Variants in BIRC5 observed in about 807,000 individuals in gnomAD.
BIRC5 encodes the protein baculoviral IAP repeat containing 5, also known as baculoviral IAP repeat-containing protein 5.
BIRC5 carries 8 observed loss-of-function variants against 15.8 expected under a neutral mutation model. The observed-to-expected ratio is 0.51, with a 90% confidence interval of 0.30 to 0.91. The LOEUF (loss-of-function observed/expected upper bound fraction) is 0.91, where lower values mean the gene tolerates loss of function less well. Ranked by LOEUF, BIRC5 falls within the 40% of genes least tolerant of loss-of-function variation. BIRC5 has a pLI of 0.07. For synonymous variants in BIRC5, 56 were observed against 64.5 expected (o/e 0.87, Z 0.63); for missense variants, 163 against 178.6 (o/e 0.91, Z 0.50).
Position 78,214,289 on chromosome 17 carries a change from A to G in BIRC5, c.-28A>G, listed in dbSNP as rs755988912. ...TTAACCGCCAGATTTGAATCGCGGGACCCGTTGGCAGAGGTGGCGGCGGCG... is the reference window on the plus strand; with the variant it reads ...TTAACCGCCAGATTTGAATCGCGGGGCCCGTTGGCAGAGGTGGCGGCGGCG... On this transcript the variant is annotated 5_prime_UTR_variant, in exon 1 of 4. Coordinates refer to ENST00000350051, the MANE Select transcript of BIRC5 (RefSeq NM_001168.3). The G allele has an allele frequency of 1.0e-5, 16 of 1,582,952 alleles. No individual in the cohort carries two copies. The South Asian group carries it at 1.5e-4, about 15-fold the overall frequency.
At chr17:78,218,759 C>T (rs997949723) in intron 3 of BIRC5, among the ~76,000 whole-genome samples, 8 of 151,736 alleles carry the variant, frequency 5.3e-5, no homozygotes, top group African/African-American at 1.7e-4. Flanking sequence ...CCCACCACCA[C>T]GCCTGGCTAA....
At chr17:78,220,058 G>A (rs1231191110) in intron 3 of BIRC5, among the ~76,000 whole-genome samples, 1 of 152,166 alleles carries the variant, frequency 6.6e-6, no homozygotes, top group Non-Finnish European at 1.5e-5. Flanking sequence ...GGGGTGCTCC[G>A]CTCTAGGGTT....
intron 3 of BIRC5, among the ~76,000 whole-genome samples, chr17:78,217,158 G>A (rs1445574620): frequency 3.3e-5 from 5 of 150,798 alleles, no homozygotes; most frequent in East Asian, 2.0e-4. Flanking sequence ...GATTACAGGC[G>A]TGAACCACCA....
chr17:78,223,726 A>T lies in BIRC5; in HGVS notation c.*172A>T. The T allele has an allele frequency of 2.2e-6, 3 of 1,381,800 alleles. No individual in the cohort carries two copies. Among genetic ancestry groups the T allele is most frequent in the Non-Finnish European group, 2.9e-6 (3 of 1,050,678 alleles). 85.6% of individuals were successfully genotyped at this position (1,381,800 alleles called of 1,614,324 possible). ...CTTGTTTTGTCTTGAAAGTGGCACC[A>T]GAGGTGCTTCTGCCTGTGCAGCGGG... On this transcript the variant is annotated 3_prime_UTR_variant, in exon 4 of 4. Coordinates refer to ENST00000350051, the MANE Select transcript of BIRC5 (RefSeq NM_001168.3).
intron 3 of BIRC5, among the ~76,000 whole-genome samples, chr17:78,219,256 C>G (rs1489553229): frequency 1.3e-5 from 2 of 152,220 alleles, no homozygotes; most frequent in African/African-American, 4.8e-5. Context: ...GCGATCTTGG[C>G]TCACTGCGAC....
In BIRC5 at chr17:78,224,575, G is replaced by A. The variant is rs1184999525; in HGVS notation, c.*1021G>A. 1.3e-5 allele frequency: 2 copies of A among 152,262 alleles called. No individual in the cohort carries two copies. Among genetic ancestry groups the A allele is most frequent in the African/African-American group, 4.8e-5 (2 of 41,466 alleles). 9.4% of individuals were successfully genotyped at this position (152,262 alleles called of 1,614,324 possible). A position where few individuals can be genotyped will look rare whatever the true frequency, so the allele number is the denominator to read the frequency against. Reference sequence around the variant, plus strand: ...CCCGCAGGGCTGAAGTCTGGCGTAAGATGATGGATTTGATTCGCCCTCCTC... The same window carrying A: ...CCCGCAGGGCTGAAGTCTGGCGTAAAATGATGGATTTGATTCGCCCTCCTC... On this transcript the variant is annotated 3_prime_UTR_variant, in exon 4 of 4. Coordinates refer to ENST00000350051, the MANE Select transcript of BIRC5 (RefSeq NM_001168.3).
At chr17:78,216,475 G>A in intron 2 of BIRC5, 189 bp from the exon 3 acceptor site, 1 of 568,456 alleles carries the variant, frequency 1.8e-6, no homozygotes. Flanking sequence ...GAGAGAGAAG[G>A]TGCTAAGAGG....
At chr17:78,214,968 T>A in intron 2 of BIRC5, 179 bp downstream of exon 2, 1 of 601,452 alleles carries the variant, frequency 1.7e-6, no homozygotes, top group Non-Finnish European at 2.9e-6. Context: ...ACAACCTAAT[T>A]AAATCTCATT....
intron 3 of BIRC5, chr17:78,223,026 G>A: frequency 7.1e-7 from 1 of 1,400,224 alleles, no homozygotes; most frequent in Non-Finnish European, 9.2e-7. Flanking sequence ...GCTCTGCCTA[G>A]ACTAGCTGGG....
rs997564367 is a variant in BIRC5 at position 78,224,571 on chromosome 17, G to C, written c.*1017G>C. 6.6e-6 allele frequency: 1 copy of C among 152,238 alleles called. No homozygotes were observed. Among genetic ancestry groups the C allele is most frequent in the African/African-American group, 2.4e-5 (1 of 41,454 alleles). 9.4% of individuals were successfully genotyped at this position (152,238 alleles called of 1,614,324 possible). ...AGCTCCCGCAGGGCTGAAGTCTGGC[G>C]TAAGATGATGGATTTGATTCGCCCT... On this transcript the variant is annotated 3_prime_UTR_variant, in exon 4 of 4. Coordinates refer to ENST00000350051, the MANE Select transcript of BIRC5 (RefSeq NM_001168.3).
chr17:78,216,510 C>T (rs555350473), intron 2 of BIRC5, 154 bp from the exon 3 acceptor site: 2 of 653,370 alleles, frequency 3.1e-6, no homozygotes, highest in African/African-American at 1.8e-5. Flanking sequence ...GTGGCTTGGG[C>T]AAAGCACTGA....
intron 2 of BIRC5, 63 bp from the exon 3 acceptor site, chr17:78,216,601 G>C (rs138660017): frequency 6.9e-6 from 10 of 1,446,370 alleles, no homozygotes; most frequent in Non-Finnish European, 9.7e-6. Flanking sequence ...GGTGGCCCGT[G>C]GGGAGTGGAC....
Position 78,214,697 on chromosome 17 carries a change from C to T in BIRC5, c.129C>T (p.Phe43=). Residue 43 remains phenylalanine, a synonymous_variant, in exon 2 of 4, where the codon TTC becomes TTT. Transcript: ENST00000350051. The part of the protein sequence containing the change: ...CTPERMAEAG[F]IHCPTENEPD... ...CCTTGCAGATGGCCGAGGCTGGCTT[C>T]ATCCACTGCCCCACTGAGAACGAGC... is the stretch of plus-strand genomic sequence containing the variant. 1.2e-6 allele frequency: 2 copies of T among 1,607,806 alleles called. No homozygotes were observed. The highest frequency in any genetic ancestry group is 1.7e-6 in the Non-Finnish European group (2 of 1,177,668).
intron 1 of BIRC5, 80 bp from the exon 2 acceptor site, chr17:78,214,589 CTCCCTGCTTTG>C: frequency 7.4e-7 from 1 of 1,346,738 alleles, no homozygotes; most frequent in Non-Finnish European, 1.0e-6. Flanking sequence ...CCGGCCTCCC[CTCCCTGCTTTG>C]TCCCCATCGA....
At position 78,219,108 on chromosome 17, in the gene BIRC5, G is replaced by C. The variant is rs574538913; in HGVS notation, c.339+2327G>C. ...ATAGAGGTTAGACCCCCTATCCCAT[G>C]GTTTCTCAGGTTGCTTTTCAGCTTG... On this transcript the variant is annotated intron_variant, in intron 3 of 3. Transcript: ENST00000350051. Among the ~76,000 whole-genome samples, 7 of 152,242 alleles carry C rather than the reference G, an allele frequency of 4.6e-5. 2 individuals carry two copies. Among genetic ancestry groups the C allele is most frequent in the African/African-American group, 1.7e-4 (7 of 41,550 alleles).
At chr17:78,216,455 T>C in intron 2 of BIRC5, 1 of 505,612 alleles carries the variant, frequency 2.0e-6, no homozygotes, top group South Asian at 2.2e-5. Context: ...TGGGGGGAGA[T>C]GTCCACAGGG....
At chr17:78,215,129 T>C (rs17879515) in intron 2 of BIRC5, 4,858 of 223,522 alleles carry the variant, frequency 0.022, 255 homozygotes, top group African/African-American at 0.11. Flanking sequence ...AAATATAACC[T>C]ACACAGCACA....
intron 2 of BIRC5, among the ~76,000 whole-genome samples, chr17:78,215,428 A>C (rs575977953): frequency 6.6e-6 from 1 of 152,058 alleles, no homozygotes. Context: ...AAAATAAAAA[A>C]TTGAAAAAAA....
chr17:78,215,378 A>G (rs1261112728), intron 2 of BIRC5, among the ~76,000 whole-genome samples: 1 of 152,006 alleles, frequency 6.6e-6, no homozygotes, highest in Non-Finnish European at 1.5e-5. Flanking sequence ...GATTGTGCCA[A>G]TGCACTCCAG....
Sources: allele counts gnomAD v4.1 joint callset (sites outside exome capture counted in the v4.1 genomes callset), GRCh38; gene constraint gnomAD v4.1.1; transcripts MANE v1.5; gene names NCBI Gene and HGNC (gene_info 2026-07-23, HGNC 2026-07-21).